EXOC2: variants seen among roughly 807,000 people sequenced by gnomAD.
The protein encoded by EXOC2 is exocyst complex component 2.
Under a neutral mutation model 131.8 loss-of-function variants are expected in EXOC2, and 70 were observed. The observed-to-expected ratio is 0.53, with a 90% confidence interval of 0.44 to 0.65. The LOEUF (loss-of-function observed/expected upper bound fraction) is 0.65. Ranked by LOEUF, EXOC2 falls within the 30% of genes least tolerant of loss-of-function variation. The probability of loss-of-function intolerance (pLI) is 0.00; values close to 1 mark genes in which losing one functional copy is unlikely to be tolerated. For missense variants in EXOC2, 923 were observed against 1,108.6 expected, an observed-to-expected ratio of 0.83 and a Z score of 2.38; for synonymous variants, 411 against 398.4, an observed-to-expected ratio of 1.03 and a Z score of -0.38.
chr6:653,291 C>T (rs1762914243), intron 1 of EXOC2, among the ~76,000 whole-genome samples: 1 of 152,200 alleles, frequency 6.6e-6, no homozygotes, highest in Admixed American at 6.5e-5. Flanking sequence ...GTAAGGAAGC[C>T]ATGTCTAATG....
At chr6:692,771 G>A (rs1296033894) in intron 1 of EXOC2, among the ~76,000 whole-genome samples, 2 of 150,818 alleles carry the variant, frequency 1.3e-5, no homozygotes, top group Admixed American at 1.3e-4. Flanking sequence ...GCGCAGGTGG[G>A]GACCGCGGGG....
intron 11 of EXOC2, among the ~76,000 whole-genome samples, chr6:581,485 T>A (rs1435088997): frequency 1.3e-5 from 2 of 152,198 alleles, no homozygotes; most frequent in Non-Finnish European, 2.9e-5. Flanking sequence ...TACAGATTAC[T>A]CTGAATACAA....
At chr6:686,606 C>G (rs944466635) in intron 1 of EXOC2, among the ~76,000 whole-genome samples, 3 of 152,262 alleles carry the variant, frequency 2.0e-5, no homozygotes, top group Admixed American at 1.3e-4. Flanking sequence ...TAAAAGAGAT[C>G]TGTTATATAT....
intron 10 of EXOC2, among the ~76,000 whole-genome samples, chr6:593,576 T>C (rs1230182835): frequency 3.9e-5 from 6 of 152,240 alleles, no homozygotes; most frequent in African/African-American, 1.2e-4. Context: ...CTGTCAAATA[T>C]TATTTAAGAT....
intron 6 of EXOC2, among the ~76,000 whole-genome samples, chr6:616,339 C>T (rs1018587253): frequency 6.6e-6 from 1 of 152,062 alleles, no homozygotes; most frequent in Non-Finnish European, 1.5e-5. Context: ...CGCGGTGGCT[C>T]ACGCCTGTAA....
intron 10 of EXOC2, among the ~76,000 whole-genome samples, chr6:597,319 G>A (rs1422339412): frequency 6.6e-6 from 1 of 151,996 alleles, no homozygotes; most frequent in African/African-American, 2.4e-5. Flanking sequence ...TGGGATTACA[G>A]GCGCACATCA....
chr6:556,635 G>A (rs889112029), intron 17 of EXOC2, 71 bp from the exon 18 acceptor site: 34 of 1,514,354 alleles, frequency 2.2e-5, no homozygotes, highest in Non-Finnish European at 3.0e-5. Context: ...TAACACAAGC[G>A]AATATGGCCC....
chr6:631,102 T>A (rs956916056), intron 3 of EXOC2, among the ~76,000 whole-genome samples: 1 of 152,172 alleles, frequency 6.6e-6, no homozygotes, highest in Non-Finnish European at 1.5e-5. Context: ...TCAGAAGGCT[T>A]CATGGGAGAA....
intron 13 of EXOC2, 152 bp from the exon 14 acceptor site, chr6:565,081 T>G (rs1247993564): frequency 1.7e-6 from 1 of 576,708 alleles, no homozygotes; most frequent in Admixed American, 3.8e-5. Context: ...GATTAAAGAA[T>G]GATTCATTAG....
chr6:542,432 G>T (rs1025309045), intron 22 of EXOC2, among the ~76,000 whole-genome samples: 1 of 152,174 alleles, frequency 6.6e-6, no homozygotes, highest in African/African-American at 2.4e-5. Context: ...TTGCACTTCG[G>T]GAATGGAGGA....
chr6:628,452 T>G (rs6901492), intron 4 of EXOC2, among the ~76,000 whole-genome samples: 145,726 of 152,334 alleles, frequency 0.96, 69,747 homozygotes, highest in African/African-American at 0.99. Context: ...AATAAAGAGA[T>G]TCAAAGGCTG....
chr6:598,217 G>A, intron 9 of EXOC2, 94 bp from the exon 10 acceptor site: 1 of 882,760 alleles, frequency 1.1e-6, no homozygotes, highest in Non-Finnish European at 1.7e-6. Context: ...TGTGGGGTGA[G>A]GGCTAAGAGG....
intron 13 of EXOC2, among the ~76,000 whole-genome samples, chr6:567,293 C>T (rs780006917): frequency 2.6e-5 from 4 of 152,128 alleles, no homozygotes; most frequent in Non-Finnish European, 4.4e-5. Flanking sequence ...GCGTCCTTCT[C>T]GCTGCCTGGG....
At chr6:686,803 G>C (rs751888513) in intron 1 of EXOC2, among the ~76,000 whole-genome samples, 5 of 152,192 alleles carry the variant, frequency 3.3e-5, no homozygotes, top group Non-Finnish European at 7.3e-5. Context: ...GTCTAAAGGT[G>C]ACTGGACTTC....
At chr6:604,073 T>C (rs1206722347) in intron 7 of EXOC2, among the ~76,000 whole-genome samples, 1 of 152,198 alleles carries the variant, frequency 6.6e-6, no homozygotes, top group African/African-American at 2.4e-5. Flanking sequence ...TGGAGGCAAC[T>C]GAGACACAGA....
chr6:658,642 A>T (rs866973723), intron 1 of EXOC2, among the ~76,000 whole-genome samples: 19 of 112,246 alleles, frequency 1.7e-4, no homozygotes, highest in African/African-American at 4.6e-4. Flanking sequence ...ATATATATAT[A>T]TTTTATATAT....
At chr6:616,577 T>TC (rs1308488737) in intron 6 of EXOC2, among the ~76,000 whole-genome samples, 37 of 102,534 alleles carry the variant, frequency 3.6e-4, no homozygotes, top group Non-Finnish European at 6.1e-4. Context: ...CACTCCCGCC[T>TC]GGGCGACAGA....
intron 1 of EXOC2, among the ~76,000 whole-genome samples, chr6:654,541 T>C (rs1762972187): frequency 1.3e-5 from 2 of 152,102 alleles, no homozygotes; most frequent in South Asian, 4.1e-4. Flanking sequence ...GGCTCATGCC[T>C]GTAATCCCAG....
chr6:592,318 C>A, intron 11 of EXOC2, 151 bp downstream of exon 11: 1 of 631,844 alleles, frequency 1.6e-6, no homozygotes, highest in South Asian at 2.0e-5. Context: ...CAATGCTAAC[C>A]AGTGGCCAAA....
Sources: gnomAD v4.1 joint callset for allele counts (sites outside exome capture counted in the v4.1 genomes callset) on GRCh38, gnomAD v4.1.1 for gene constraint, MANE v1.5 for transcripts, NCBI Gene and HGNC (gene_info 2026-07-23, HGNC 2026-07-21) for gene names.